Variants in AUTS2 observed in about 807,000 individuals in gnomAD.
AUTS2 encodes the protein autism susceptibility gene 2 protein.
In AUTS2, 17 loss-of-function variants were observed where a neutral mutation model predicts 112.4. That is an observed-to-expected ratio of 0.15 (90% CI 0.10 to 0.23). The LOEUF (loss-of-function observed/expected upper bound fraction) is 0.23, where lower values mean the gene tolerates loss of function less well. AUTS2 is among the 10% of genes least tolerant of loss of function. AUTS2 has a pLI of 1.00. For synonymous variants in AUTS2, 751 were observed against 702.7 expected (o/e 1.07, Z -1.09); for missense variants, 1,510 against 1,701.6 (o/e 0.89, Z 1.98).
At chr7:70,593,763 G>C (rs1011359678) in intron 5 of AUTS2, among the ~76,000 whole-genome samples, 2 of 152,182 alleles carry the variant, frequency 1.3e-5, no homozygotes, top group Non-Finnish European at 2.9e-5. Context: ...CCCTTGGTGG[G>C]ACCGGGCTGC....
chr7:69,787,802 T>TG (rs1340476612), intron 1 of AUTS2, among the ~76,000 whole-genome samples: 1 of 152,190 alleles, frequency 6.6e-6, no homozygotes, highest in Admixed American at 6.5e-5. Context: ...CTCGAACTCC[T>TG]GACTTCAGGT....
At chr7:70,570,216 A>G (rs1450426252) in intron 5 of AUTS2, among the ~76,000 whole-genome samples, 1 of 152,170 alleles carries the variant, frequency 6.6e-6, no homozygotes, top group Non-Finnish European at 1.5e-5. Flanking sequence ...ACAAGTTTAA[A>G]TCCTCGCTCA....
intron 2 of AUTS2, among the ~76,000 whole-genome samples, chr7:69,914,213 G>C (rs1795469698): frequency 1.3e-5 from 2 of 152,088 alleles, no homozygotes; most frequent in South Asian, 4.2e-4. Context: ...CTGGCACACA[G>C]AAGGTGGCAC....
intron 1 of AUTS2, among the ~76,000 whole-genome samples, chr7:69,633,539 G>A (rs573155917): frequency 6.6e-6 from 1 of 152,164 alleles, no homozygotes; most frequent in African/African-American, 2.4e-5. Flanking sequence ...TTTCACAATG[G>A]CTGTATCAAA....
chr7:70,760,834 G>A (rs760719990), intron 6 of AUTS2, among the ~76,000 whole-genome samples: 48 of 152,188 alleles, frequency 3.2e-4, no homozygotes, highest in African/African-American at 9.9e-4. Flanking sequence ...CAGAAATGTC[G>A]GAAGTCCAGA....
chr7:70,195,229 T>C (rs2129584236), intron 4 of AUTS2, among the ~76,000 whole-genome samples: 1 of 152,328 alleles, frequency 6.6e-6, no homozygotes, highest in East Asian at 1.9e-4. Flanking sequence ...AAAAGATCTG[T>C]CACAAATTAT....
intron 4 of AUTS2, among the ~76,000 whole-genome samples, chr7:70,411,155 G>A (rs1185086083): frequency 1.3e-5 from 2 of 151,966 alleles, no homozygotes; most frequent in South Asian, 2.1e-4. Context: ...ACGAGCCACC[G>A]CACCCAGCCA....
chr7:70,036,899 C>CAA (rs1801029236), intron 2 of AUTS2, among the ~76,000 whole-genome samples: 1 of 152,104 alleles, frequency 6.6e-6, no homozygotes, highest in Non-Finnish European at 1.5e-5. Flanking sequence ...ACAAAGGATG[C>CAA]AAAAGGCAAC....
chr7:70,231,053 G>A (rs1198062535), intron 4 of AUTS2, among the ~76,000 whole-genome samples: 3 of 152,188 alleles, frequency 2.0e-5, no homozygotes, highest in Non-Finnish European at 4.4e-5. Flanking sequence ...GAGTTTTCTT[G>A]AAGAAACACT....
At chr7:70,091,963 G>A (rs1803944075) in intron 2 of AUTS2, among the ~76,000 whole-genome samples, 1 of 152,022 alleles carries the variant, frequency 6.6e-6, no homozygotes, top group African/African-American at 2.4e-5. Flanking sequence ...AAGTAGGGGG[G>A]ATTATACTCT....
chr7:70,159,689 ATCT>A (rs1408616459), intron 4 of AUTS2, among the ~76,000 whole-genome samples: 2 of 152,214 alleles, frequency 1.3e-5, no homozygotes, highest in Non-Finnish European at 2.9e-5. Flanking sequence ...GAAGCAGATA[ATCT>A]TCTAACTATA....
chr7:69,867,370 A>G (rs1443283223), intron 1 of AUTS2, among the ~76,000 whole-genome samples: 3 of 152,150 alleles, frequency 2.0e-5, no homozygotes, highest in Admixed American at 6.6e-5. Flanking sequence ...ATACTTGTAG[A>G]TGCTTTAACA....
chr7:69,971,404 G>A lies in AUTS2; in HGVS notation c.522+71906G>A, dbSNP rs910114445. The stretch of plus-strand genomic sequence containing the variant: ...TCTTATTTTGAGATAATGGTAGTAC[G>A]TAATAATAGTACAATATGCAGTTTT... On this transcript the variant is annotated intron_variant, in intron 2 of 18. Transcript: ENST00000342771. Among the ~76,000 whole-genome samples, 11 of 152,256 alleles carry A rather than the reference G, an allele frequency of 7.2e-5. 1 individual carries two copies. The highest frequency in any genetic ancestry group is 5.9e-4 in the Admixed American group (9 of 15,282).
chr7:70,622,775 G>A (rs754694332), intron 5 of AUTS2, among the ~76,000 whole-genome samples: 13 of 152,118 alleles, frequency 8.5e-5, no homozygotes, highest in Admixed American at 2.0e-4. Context: ...GCCTTTACAC[G>A]TCTTTCATCG....
chr7:70,738,955 TTTAAC>T (rs1398942535), intron 6 of AUTS2, among the ~76,000 whole-genome samples: 4 of 149,656 alleles, frequency 2.7e-5, no homozygotes, highest in Admixed American at 2.0e-4. Context: ...CTCAGAAGGT[TTTAAC>T]TTAACTTTCT....
At chr7:69,793,767 A>G (rs987057990) in intron 1 of AUTS2, among the ~76,000 whole-genome samples, 1 of 151,946 alleles carries the variant, frequency 6.6e-6, no homozygotes, top group Non-Finnish European at 1.5e-5. Flanking sequence ...AAAACATTAA[A>G]TTTTTTAAAT....
chr7:70,579,244 T>TAAAAAAAAAAAAAAAAAAAA lies in AUTS2; in HGVS notation c.691-119307_691-119306insAAAAAAAAAAAAAAAAAAAA, dbSNP rs10611601. Among the ~76,000 whole-genome samples, 300 of 55,800 alleles carry TAAAAAAAAAAAAAAAAAAAA rather than the reference T, an allele frequency of 5.4e-3. 41 individuals are homozygous for TAAAAAAAAAAAAAAAAAAAA. Among genetic ancestry groups the TAAAAAAAAAAAAAAAAAAAA allele is most frequent in the Non-Finnish European group, 7.0e-3 (209 of 29,848 alleles). 36.6% of individuals were successfully genotyped at this position (55,800 alleles called of 152,430 possible). The stretch of plus-strand genomic sequence containing the variant: ...ATGCCCAGCCTTATATTCTCTTTTC[T>TAAAAAAAAAAAAAAAAAAAA]AAAAAAAAAAAAAAAAAAGATGAAG... On this transcript the variant is annotated intron_variant, in intron 5 of 18. Coordinates refer to ENST00000342771, the MANE Select transcript of AUTS2 (RefSeq NM_015570.4).
chr7:69,917,882 G>A (rs559804564), intron 2 of AUTS2, among the ~76,000 whole-genome samples: 5 of 151,898 alleles, frequency 3.3e-5, no homozygotes, highest in Admixed American at 3.3e-4. Flanking sequence ...TCGCTCTGTC[G>A]CCCAGGCTGG....
chr7:70,349,332 T>A (rs1342746527), intron 4 of AUTS2, among the ~76,000 whole-genome samples: 6 of 140,118 alleles, frequency 4.3e-5, no homozygotes, highest in Non-Finnish European at 9.2e-5. Context: ...AGAATTTTTA[T>A]AAGTGATTAA....
Sources: gnomAD v4.1 joint callset for allele counts (sites outside exome capture counted in the v4.1 genomes callset) on GRCh38, gnomAD v4.1.1 for gene constraint, MANE v1.5 for transcripts, NCBI Gene and HGNC (gene_info 2026-07-23, HGNC 2026-07-21) for gene names.